The following TMEM229B variants were observed in gnomAD, a reference collection of about 807,000 sequenced individuals.
The protein encoded by TMEM229B is transmembrane protein 229B.
TMEM229B carries 6 observed loss-of-function variants against 13.7 expected under a neutral mutation model. The observed-to-expected ratio is 0.44, with a 90% CI of 0.24 to 0.86. The LOEUF (loss-of-function observed/expected upper bound fraction) is 0.86. Among genes scored for constraint, TMEM229B ranks in the 40% least tolerant of loss-of-function variants. The pLI is 0.23. For synonymous variants in TMEM229B, 107 were observed against 102.1 expected, an observed-to-expected ratio of 1.05 and a Z score of -0.29; for missense variants, 170 against 236.0, an observed-to-expected ratio of 0.72 and a Z score of 1.83.
intron 1 of TMEM229B, among the ~76,000 whole-genome samples, chr14:67,511,017 C>A (rs142423130): frequency 6.6e-6 from 1 of 152,158 alleles, no homozygotes; most frequent in Non-Finnish European, 1.5e-5. Flanking sequence ...CCTTCAATCT[C>A]CTTGGCTGGC....
intron 1 of TMEM229B, among the ~76,000 whole-genome samples, chr14:67,501,622 A>G (rs2032614598): frequency 6.6e-6 from 1 of 152,200 alleles, no homozygotes; most frequent in Non-Finnish European, 1.5e-5. Context: ...GGACAGGCCA[A>G]TGAGGCAGGG....
upstream of TMEM229B, among the ~76,000 whole-genome samples, chr14:67,517,317 GA>G (rs1321167793): frequency 6.6e-6 from 1 of 152,228 alleles, no homozygotes; most frequent in African/African-American, 2.4e-5. Context: ...TTGCGCAGAG[GA>G]AAGCACAATG....
At chr14:67,491,243 C>T (rs1013981739), upstream of TMEM229B, among the ~76,000 whole-genome samples, 4 of 152,144 alleles carry the variant, frequency 2.6e-5, no homozygotes, top group African/African-American at 4.8e-5. Flanking sequence ...GATAGGGTGA[C>T]GTATTGGGGG....
chr14:67,480,543 C>T (rs1361921846), intron 2 of TMEM229B, among the ~76,000 whole-genome samples: 1 of 152,144 alleles, frequency 6.6e-6, no homozygotes. Context: ...CAGGAGAGAA[C>T]AGATCCAGGC....
At chr14:67,491,520 C>T (rs1246943198), upstream of TMEM229B, among the ~76,000 whole-genome samples, 2 of 152,180 alleles carry the variant, frequency 1.3e-5, no homozygotes, top group Non-Finnish European at 2.9e-5. Context: ...TTATGAATAA[C>T]AAAAGACATT....
At chr14:67,510,835 G>A (rs1018174620) in intron 1 of TMEM229B, among the ~76,000 whole-genome samples, 2 of 152,118 alleles carry the variant, frequency 1.3e-5, no homozygotes, top group Admixed American at 6.5e-5. Flanking sequence ...AGTCCCTGTC[G>A]GTGCTCTGAA....
chr14:67,477,744 C>T (rs150395899), intron 2 of TMEM229B, among the ~76,000 whole-genome samples: 57 of 152,302 alleles, frequency 3.7e-4, no homozygotes, highest in Non-Finnish European at 4.4e-5. Flanking sequence ...CTAGCCTAGA[C>T]AATGCAGTGA....
chr14:67,491,891 C>T (rs1283256919), upstream of TMEM229B, among the ~76,000 whole-genome samples: 1 of 152,174 alleles, frequency 6.6e-6, no homozygotes, highest in Non-Finnish European at 1.5e-5. Flanking sequence ...GAGGCCCAGG[C>T]CGCGGGGGCC....
intron 2 of TMEM229B, among the ~76,000 whole-genome samples, chr14:67,479,329 C>G (rs532145015): frequency 2.7e-5 from 4 of 150,128 alleles, no homozygotes; most frequent in African/African-American, 7.4e-5. Context: ...TTGCTTGAAC[C>G]GGGACCCAGG....
chr14:67,503,700 T>C (rs978701559), intron 1 of TMEM229B: 1 of 152,140 alleles, frequency 6.6e-6, no homozygotes, highest in Non-Finnish European at 1.5e-5. Context: ...AAATTATTTT[T>C]ATTTTTTATT....
intron 1 of TMEM229B, among the ~76,000 whole-genome samples, chr14:67,509,987 G>A (rs1258709417): frequency 6.6e-6 from 1 of 151,714 alleles, no homozygotes; most frequent in African/African-American, 2.4e-5. Context: ...TAAAGCCTGA[G>A]CAACAGAGAG....
At chr14:67,528,940 T>C (rs12437164) in intron 1 of TMEM229B, among the ~76,000 whole-genome samples, 42,664 of 151,964 alleles carry the variant, frequency 0.28, 6,639 homozygotes, top group South Asian at 0.36. Flanking sequence ...GAGGTTAGAT[T>C]TGGAATCACT....
rs916886354 is a variant in TMEM229B at position 67,494,782 on chromosome 14, A to T, written c.-191-7610T>A. 2.6e-5 allele frequency among the ~76,000 whole-genome samples: 4 copies of T among 152,150 alleles called. No individual in the cohort carries two copies. The East Asian group carries it at 7.7e-4, about 29-fold the overall frequency. On this transcript the variant is annotated intron_variant, in intron 1 of 2. Coordinates refer to the TMEM229B transcript ENST00000357461. ...AGAACGAAGGCTCGCCCAACATTTGACAAGAACCAAGGCTACAGAAGAAGC... is the reference window on the plus strand; with the variant it reads ...AGAACGAAGGCTCGCCCAACATTTGTCAAGAACCAAGGCTACAGAAGAAGC...
At chr14:67,507,893 C>T (rs906679700) in intron 1 of TMEM229B, among the ~76,000 whole-genome samples, 1 of 152,166 alleles carries the variant, frequency 6.6e-6, no homozygotes, top group Non-Finnish European at 1.5e-5. Context: ...AGTCCCAGCA[C>T]TTTGGGAGGC....
chr14:67,533,491 C>CGG (rs1460850229), intron 1 of TMEM229B: 2 of 152,002 alleles, frequency 1.3e-5, no homozygotes, highest in South Asian at 2.1e-4. Context: ...CCCTCGGGCC[C>CGG]AGAGGACGAT....
upstream of TMEM229B, among the ~76,000 whole-genome samples, chr14:67,493,297 C>A (rs1305270004): frequency 6.6e-6 from 1 of 152,200 alleles, no homozygotes; most frequent in Non-Finnish European, 1.5e-5. Context: ...CAAGCATATG[C>A]CATCACCTGT....
chr14:67,480,097 A>G (rs2031492370), intron 2 of TMEM229B, among the ~76,000 whole-genome samples: 1 of 152,214 alleles, frequency 6.6e-6, no homozygotes, highest in Non-Finnish European at 1.5e-5. Flanking sequence ...GAACTCGTAC[A>G]TATACACTAC....
At chr14:67,488,128 A>G (rs1046487763) in intron 1 of TMEM229B, among the ~76,000 whole-genome samples, 1 of 152,218 alleles carries the variant, frequency 6.6e-6, no homozygotes, top group African/African-American at 2.4e-5. Context: ...TGAGAACAGT[A>G]TGTGGCTGGG....
intron 1 of TMEM229B, among the ~76,000 whole-genome samples, chr14:67,514,311 A>G (rs1264177362): frequency 6.6e-6 from 1 of 152,084 alleles, no homozygotes; most frequent in Non-Finnish European, 1.5e-5. Flanking sequence ...CTGAGCATAG[A>G]AAGAGGGAAA....
Sources: gnomAD v4.1 joint callset for allele counts (sites outside exome capture counted in the v4.1 genomes callset) on GRCh38, gnomAD v4.1.1 for gene constraint, MANE v1.5 for transcripts, NCBI Gene and HGNC (gene_info 2026-07-23, HGNC 2026-07-21) for gene names.